ARL6IP6: variants seen among roughly 807,000 people sequenced by gnomAD.
ARL6IP6 encodes the protein ADP-ribosylation factor-like protein 6-interacting protein 6.
A neutral mutation model predicts 21.5 loss-of-function variants in ARL6IP6; 22 were observed. The ratio of observed to expected loss-of-function variants is 1.02; its 90% CI spans 0.73 to 1.46. The LOEUF (loss-of-function observed/expected upper bound fraction) is 1.46. Ranked by LOEUF, ARL6IP6 falls within the 40% of genes most tolerant of loss-of-function variation. The pLI is 0.00. For synonymous variants in ARL6IP6, 164 were observed against 125.3 expected, an observed-to-expected ratio of 1.31 and a Z score of -2.06; for missense variants, 388 against 299.8, an observed-to-expected ratio of 1.29 and a Z score of -2.17.
chr2:152,742,235 G>T (rs566237679), intron 3 of ARL6IP6, among the ~76,000 whole-genome samples: 12 of 152,138 alleles, frequency 7.9e-5, no homozygotes, highest in East Asian at 1.9e-4. Flanking sequence ...TTACCTACCC[G>T]TGGAAAAATA....
rs765820367 is a variant in ARL6IP6 at position 152,718,729 on chromosome 2, CAGCTGGGGTGAA to C, written c.106_117del (p.Ser36_Glu39del). 1 of 1,610,662 alleles carries C rather than the reference CAGCTGGGGTGAA, an allele frequency of 6.2e-7. No individual in the cohort carries two copies. Among genetic ancestry groups the C allele is most frequent in the African/African-American group, 1.3e-5 (1 of 75,014 alleles). ...CGTATTCCTCCTTTACTCAGGGGGA[CAGCTGGGGTGAA>C]GGCGAAGTCGACGAGGAGGAGGGAT... On this transcript the variant is annotated inframe_deletion, in exon 1 of 4. Transcript: ENST00000326446.
At position 152,761,346 on chromosome 2, in the gene ARL6IP6, T is replaced by G. The variant is rs1346699209; in HGVS notation, c.*1506T>G. 6.6e-6 allele frequency: 1 copy of G among 152,086 alleles called. No homozygotes were observed. Among genetic ancestry groups the G allele is most frequent in the Non-Finnish European group, 1.5e-5 (1 of 68,038 alleles). The allele number at this position is 152,086 out of a possible 1,614,324, so 9.4% of individuals were successfully genotyped here. On this transcript the variant is annotated 3_prime_UTR_variant, in exon 4 of 4. Transcript: ENST00000326446. Reference sequence around the variant, plus strand: ...ATCAGTCTATTTTCACTCCCTGCCTTCCTTCCTGCACGCTTAAACTCTTCA... The same window carrying G: ...ATCAGTCTATTTTCACTCCCTGCCTGCCTTCCTGCACGCTTAAACTCTTCA...
chr2:152,718,209 C>T (rs1184854157), upstream of ARL6IP6: 2 of 476,168 alleles, frequency 4.2e-6, no homozygotes, highest in African/African-American at 2.1e-5. Flanking sequence ...GGGAATGTGT[C>T]TCCGAGGGCG....
At position 152,718,758 on chromosome 2, in the gene ARL6IP6, A is replaced by C; in HGVS notation, c.134A>C (p.Glu45Ala). 1 of 1,609,614 alleles carries C rather than the reference A, an allele frequency of 6.2e-7. No individual in the cohort carries two copies. The highest frequency in any genetic ancestry group is 8.5e-7 in the Non-Finnish European group (1 of 1,178,002). Residue 45 changes from glutamate (E) to alanine (A), a missense_variant, in exon 1 of 4, where the codon GAG (glutamate) becomes GCG (alanine). Coordinates refer to ENST00000326446, the MANE Select transcript of ARL6IP6 (RefSeq NM_152522.7). ...TGGGGTGAAGGCGAAGTCGACGAGG[A>C]GGAGGGATGCGACCAAGTGGCCCGC... ...DSWGEGEVDE[E>A]EGCDQVARDL...
chr2:152,718,880 A>T lies in ARL6IP6; in HGVS notation c.256A>T (p.Lys86Ter), dbSNP rs1281767915. 6.2e-7 allele frequency: 1 copy of T among 1,613,402 alleles called. No homozygotes were observed. The highest frequency in any genetic ancestry group is 1.3e-5 in the African/African-American group (1 of 74,882). The change falls in exon 1 of 4, where the codon AAG becomes TAG. Residue 86 changes from lysine (K) to a stop codon, truncating the protein, a stop_gained. Transcript: ENST00000326446. LOFTEE classifies it high-confidence loss of function. ...GAACGGGTCGCCCGTTCTGCCCGAT[A>T]AGCGCAATGGTATCTTTCCCGCGGC... ...DGNGSPVLPD[K>*]RNGIFPAAAG...
chr2:152,740,599 G>A (rs992435059), intron 3 of ARL6IP6, among the ~76,000 whole-genome samples: 1 of 151,660 alleles, frequency 6.6e-6, no homozygotes, highest in Non-Finnish European at 1.5e-5. Context: ...TTGTGTATGT[G>A]TATATATTTG....
At chr2:152,723,723 G>T (rs1268061729) in intron 2 of ARL6IP6, among the ~76,000 whole-genome samples, 1 of 152,060 alleles carries the variant, frequency 6.6e-6, no homozygotes, top group Non-Finnish European at 1.5e-5. Flanking sequence ...CAATCACTTG[G>T]GGACTTGCTT....
chr2:152,752,711 C>T (rs959821027), intron 3 of ARL6IP6, among the ~76,000 whole-genome samples: 1 of 151,990 alleles, frequency 6.6e-6, no homozygotes, highest in Admixed American at 6.6e-5. Flanking sequence ...GAATAGGCAC[C>T]CTATGCAGGA....
upstream of ARL6IP6, chr2:152,718,139 G>A (rs1699284566): frequency 8.3e-6 from 7 of 842,266 alleles, no homozygotes; most frequent in Non-Finnish European, 1.0e-5. Context: ...TGCCCTTAAT[G>A]GGGGAACCTG....
At chr2:152,721,774 G>T (rs1699801846) in intron 2 of ARL6IP6, among the ~76,000 whole-genome samples, 1 of 152,154 alleles carries the variant, frequency 6.6e-6, no homozygotes, top group Non-Finnish European at 1.5e-5. Context: ...ACTAAGTATA[G>T]TGTACCTTAT....
At chr2:152,727,834 G>A (rs181827951) in intron 2 of ARL6IP6, among the ~76,000 whole-genome samples, 13 of 152,240 alleles carry the variant, frequency 8.5e-5, no homozygotes, top group Admixed American at 7.2e-4. Flanking sequence ...AAACAACAAC[G>A]AAATCACCTA....
At chr2:152,718,531 G>A, upstream of ARL6IP6, 1 of 1,475,554 alleles carries the variant, frequency 6.8e-7, no homozygotes, top group Non-Finnish European at 9.0e-7. Flanking sequence ...GAGGCCTGGT[G>A]GTAGCGGCCA....
upstream of ARL6IP6, chr2:152,717,956 A>G (rs1489240602): frequency 9.0e-6 from 9 of 1,005,354 alleles, no homozygotes; most frequent in Non-Finnish European, 1.1e-5. Context: ...AGGCGAAAGG[A>G]GGGGTTCGGA....
intron 2 of ARL6IP6, chr2:152,732,529 A>C (rs747923444): frequency 8.8e-6 from 4 of 452,626 alleles, no homozygotes. Context: ...ATTGGCTTCT[A>C]GGAATTATCT....
At chr2:152,756,812 T>C (rs1701615209) in intron 3 of ARL6IP6, among the ~76,000 whole-genome samples, 1 of 152,210 alleles carries the variant, frequency 6.6e-6, no homozygotes, top group East Asian at 1.9e-4. Context: ...CTTAAACTCA[T>C]ACGTTGATAG....
At chr2:152,749,048 C>T (rs963872440) in intron 3 of ARL6IP6, among the ~76,000 whole-genome samples, 1 of 152,072 alleles carries the variant, frequency 6.6e-6, no homozygotes, top group African/African-American at 2.4e-5. Context: ...AATGTAGTCA[C>T]TTAAATTGCC....
Position 152,718,976 on chromosome 2 carries a change from G to T in ARL6IP6, c.352G>T (p.Ala118Ser). The change falls in exon 1 of 4, where the codon GCC (alanine) becomes TCC (serine). Residue 118 changes from alanine (A) to serine (S), a missense_variant. Ala to Ser is a moderately conservative substitution (Grantham distance 99). Coordinates refer to ENST00000326446, the MANE Select transcript of ARL6IP6 (RefSeq NM_152522.7). ...CTCTATTCTCTGCTCGCTGCTCTTCGCCATTCTTCTCGCCTTCCTCCTCGC... is the reference window on the plus strand; with the variant it reads ...CTCTATTCTCTGCTCGCTGCTCTTCTCCATTCTTCTCGCCTTCCTCCTCGC... ...VLSILCSLLF[A>S]ILLAFLLAIA... 1 of 1,591,010 alleles carries T rather than the reference G, an allele frequency of 6.3e-7. No homozygotes were observed. The highest frequency in any genetic ancestry group is 2.3e-5 in the East Asian group (1 of 44,026).
intron 3 of ARL6IP6, among the ~76,000 whole-genome samples, chr2:152,739,576 T>C (rs926231953): frequency 2.0e-5 from 3 of 152,144 alleles, no homozygotes; most frequent in Admixed American, 6.5e-5. Context: ...CTCTAGGAAG[T>C]TGCAAACTTT....
chr2:152,752,041 A>G (rs1012294270), intron 3 of ARL6IP6, among the ~76,000 whole-genome samples: 17 of 152,178 alleles, frequency 1.1e-4, no homozygotes, highest in African/African-American at 4.1e-4. Flanking sequence ...ATTTTGCTTT[A>G]TTGATCTAAA....
Sources: allele counts gnomAD v4.1 joint callset (sites outside exome capture counted in the v4.1 genomes callset), GRCh38; gene constraint gnomAD v4.1.1; transcripts MANE v1.5; gene names NCBI Gene and HGNC (gene_info 2026-07-23, HGNC 2026-07-21).